The following DOCK2 variants were observed in gnomAD, a reference collection of about 807,000 sequenced individuals.
DOCK2 encodes dedicator of cytokinesis 2.
In DOCK2, 87 loss-of-function variants were observed where a neutral mutation model predicts 248.9. The observed-to-expected ratio is 0.35, with a 90% CI of 0.29 to 0.42. The LOEUF (loss-of-function observed/expected upper bound fraction) is 0.42, where lower values mean the gene tolerates loss of function less well. Ranked by LOEUF, DOCK2 falls within the 10% of genes least tolerant of loss-of-function variation. The pLI is 1.00. For synonymous variants in DOCK2, 805 were observed against 821.6 expected, an observed-to-expected ratio of 0.98 and a Z score of 0.35; for missense variants, 1,747 against 2,300.2, an observed-to-expected ratio of 0.76 and a Z score of 4.92.
intron 27 of DOCK2, among the ~76,000 whole-genome samples, chr5:169,903,655 C>T (rs1174731708): frequency 6.6e-6 from 1 of 152,060 alleles, no homozygotes; most frequent in East Asian, 1.9e-4. Flanking sequence ...TTTTGTGGAA[C>T]TGATAGAAGT....
In DOCK2 at chr5:169,978,393, G is replaced by GGC. The variant is rs1561863710; in HGVS notation, c.2800-4674_2800-4673insCG. ...TCTGTGTATGTGTGTGTGTGTGTGT[G>GGC]GGGGGGGGGGGGTGTAGGTGTGTTT... On this transcript the variant is annotated intron_variant, in intron 27 of 51. Coordinates refer to ENST00000520908, the MANE Select transcript of DOCK2 (RefSeq NM_004946.3). Among the ~76,000 whole-genome samples the GGC allele has an allele frequency of 1.4e-3, 60 of 43,896 alleles. 1 individual carries two copies. The highest frequency in any genetic ancestry group is 0.015 in the Middle Eastern group (1 of 68). The allele number at this position is 43,896 out of a possible 152,430, so 28.8% of individuals were successfully genotyped here.
At chr5:169,884,193 G>A in intron 27 of DOCK2, 1 of 242,512 alleles carries the variant, frequency 4.1e-6, no homozygotes, top group South Asian at 1.7e-4. Context: ...GATCTACCAA[G>A]AGAGCTGGTA....
intron 27 of DOCK2, among the ~76,000 whole-genome samples, chr5:169,861,447 A>G (rs1771190460): frequency 6.6e-6 from 1 of 152,268 alleles, no homozygotes. Flanking sequence ...GATAGTGAGT[A>G]TGCATTTATG....
chr5:169,741,581 T>A (rs955543745), intron 22 of DOCK2, among the ~76,000 whole-genome samples: 11 of 152,206 alleles, frequency 7.2e-5, no homozygotes, highest in Non-Finnish European at 8.8e-5. Context: ...TTTACACTTA[T>A]CTGAATAGGG....
chr5:169,929,297 T>C (rs1775626865), intron 27 of DOCK2, among the ~76,000 whole-genome samples: 2 of 152,294 alleles, frequency 1.3e-5, no homozygotes, highest in African/African-American at 4.8e-5. Flanking sequence ...CCTTTCCCCA[T>C]TGACACCAAC....
In DOCK2 at chr5:169,711,096, G is replaced by A. The variant is rs1195323716; in HGVS notation, c.1483-839G>A. Among the ~76,000 whole-genome samples the A allele has an allele frequency of 2.6e-5, 4 of 152,174 alleles. No individual in the cohort carries two copies. The East Asian group carries it at 7.7e-4, about 29-fold the overall frequency. ...TGCCTGAAACATAGACAGGATGGTG[G>A]ACCTCCTCAGGCTCAAGCCTCATTT... is the stretch of plus-strand genomic sequence containing the variant. On this transcript the variant is annotated intron_variant, in intron 15 of 51. Coordinates refer to ENST00000520908, the MANE Select transcript of DOCK2 (RefSeq NM_004946.3).
In DOCK2 at chr5:169,674,344, T is replaced by C. The variant is rs757696002; in HGVS notation, c.369T>C (p.Asp123=). 6.2e-7 allele frequency: 1 copy of C among 1,614,164 alleles called. No homozygotes were observed. The highest frequency in any genetic ancestry group is 8.5e-7 in the Non-Finnish European group (1 of 1,180,006). The part of the protein sequence containing the change: ...RFLQVQSMMY[D]LMEWRSQLLS... ...TCCAGGTGCAGTCCATGATGTACGA[T>C]CTGATGGAGTGGAGGTCCCAGCTTC... The change falls in exon 6 of 52, where the codon GAT becomes GAC. Residue 123 remains aspartate (D), a synonymous_variant. Transcript: ENST00000520908.
At chr5:170,034,600 G>A (rs763565256) in intron 35 of DOCK2, 45 bp downstream of exon 35, 1 of 1,608,018 alleles carries the variant, frequency 6.2e-7, no homozygotes, top group Non-Finnish European at 8.5e-7. Flanking sequence ...ACCCTGTGGG[G>A]GGGCTTGGGC....
intron 14 of DOCK2, 36 bp downstream of exon 14, chr5:169,702,463 C>T (rs774381810): frequency 4.4e-5 from 71 of 1,610,388 alleles, no homozygotes; most frequent in Middle Eastern, 3.4e-4. Flanking sequence ...TGACAGGGTC[C>T]GCCTTGGGGG....
chr5:169,886,214 CAG>C (rs557662148), intron 27 of DOCK2, among the ~76,000 whole-genome samples: 8 of 152,148 alleles, frequency 5.3e-5, no homozygotes, highest in Non-Finnish European at 1.2e-4. Flanking sequence ...ACAGAATGAG[CAG>C]AGTTTCATGA....
intron 27 of DOCK2, among the ~76,000 whole-genome samples, chr5:169,905,779 G>T (rs1019108348): frequency 2.2e-4 from 33 of 152,324 alleles, no homozygotes; most frequent in African/African-American, 7.0e-4. Flanking sequence ...CCACAGCTGC[G>T]ATTGGTCCTC....
In DOCK2 at chr5:169,761,726, T is replaced by A. The variant is rs934309055; in HGVS notation, c.2554+101T>A. 5 of 848,850 alleles carry A rather than the reference T, an allele frequency of 5.9e-6. No homozygotes were observed. The East Asian group carries it at 1.3e-4, about 22-fold the overall frequency. The allele number at this position is 848,850 out of a possible 1,614,324, so 52.6% of individuals were successfully genotyped here. Reference sequence around the variant, plus strand: ...GAGAGGGCAACCTGTCCAGTGACTATAACATCTCTTTTCTCACAACTCCCT... The same window carrying A: ...GAGAGGGCAACCTGTCCAGTGACTAAAACATCTCTTTTCTCACAACTCCCT... On this transcript the variant is annotated intron_variant, in intron 25 of 51. Coordinates refer to ENST00000520908, the MANE Select transcript of DOCK2 (RefSeq NM_004946.3).
At chr5:169,798,882 A>C (rs1360645751) in intron 25 of DOCK2, among the ~76,000 whole-genome samples, 2 of 152,180 alleles carry the variant, frequency 1.3e-5, no homozygotes, top group African/African-American at 4.8e-5. Context: ...ACAGGTGGAG[A>C]AAGTTTTAAA....
At chr5:169,891,829 C>A (rs1016534649) in intron 27 of DOCK2, among the ~76,000 whole-genome samples, 2 of 151,870 alleles carry the variant, frequency 1.3e-5, no homozygotes, top group African/African-American at 2.4e-5. Context: ...CACATCTCTA[C>A]TAAAAATACA....
At position 170,069,041 on chromosome 5, in the gene DOCK2, G is replaced by A. The variant is rs1187520286; in HGVS notation, c.4645-96G>A. On this transcript the variant is annotated intron_variant, in intron 45 of 51. Transcript: ENST00000520908. ...TCCACATGCCTGTGACCTCATCCTT[G>A]CCCCTTTCAAATTGAATCTTCTCCC... 1.3e-5 allele frequency: 14 copies of A among 1,064,408 alleles called. No homozygotes were observed. The Admixed American group carries it at 2.8e-4, about 21-fold the overall frequency. The allele number at this position is 1,064,408 out of a possible 1,614,324, so 65.9% of individuals were successfully genotyped here. A position where few individuals can be genotyped will look rare whatever the true frequency, so the allele number is the denominator to read the frequency against.
chr5:169,710,396 A>T (rs561491754), intron 15 of DOCK2, among the ~76,000 whole-genome samples: 10 of 152,206 alleles, frequency 6.6e-5, no homozygotes, highest in Non-Finnish European at 8.8e-5. Context: ...CTCAGCAATG[A>T]GGAGTGACAG....
intron 30 of DOCK2, among the ~76,000 whole-genome samples, chr5:170,005,817 A>C (rs1755014329): frequency 6.6e-6 from 1 of 152,208 alleles, no homozygotes; most frequent in Admixed American, 6.5e-5. Flanking sequence ...TCAGGGTAGA[A>C]TAGATACTGG....
In DOCK2 at chr5:169,755,099, G is replaced by C. The variant is rs1021369213; in HGVS notation, c.2377-4606G>C. 7.2e-5 allele frequency among the ~76,000 whole-genome samples: 11 copies of C among 151,830 alleles called. No individual in the cohort carries two copies. The South Asian group carries it at 2.3e-3, about 32-fold the overall frequency. On this transcript the variant is annotated intron_variant, in intron 23 of 51. Coordinates refer to ENST00000520908, the MANE Select transcript of DOCK2 (RefSeq NM_004946.3). ...ATCACAGGCCTGTGCCACCATGCCT[G>C]GGTATTTTTTTTACATATATATATT...
chr5:169,744,502 A>T (rs902117767), intron 22 of DOCK2, among the ~76,000 whole-genome samples: 10 of 152,062 alleles, frequency 6.6e-5, no homozygotes, highest in Non-Finnish European at 1.3e-4. Flanking sequence ...AGCTGGCTCT[A>T]CTCTGCCAAG....
Sources: gnomAD v4.1 joint callset for allele counts (sites outside exome capture counted in the v4.1 genomes callset) on GRCh38, gnomAD v4.1.1 for gene constraint, MANE v1.5 for transcripts, NCBI Gene and HGNC (gene_info 2026-07-23, HGNC 2026-07-21) for gene names.